Variants in CSMD1 observed in about 807,000 individuals in gnomAD.
CSMD1 encodes the protein CUB and sushi domain-containing protein 1.
In CSMD1, 213 loss-of-function variants were observed where a neutral mutation model predicts 417.5. The ratio of observed to expected loss-of-function variants is 0.51; its 90% confidence interval spans 0.46 to 0.57. The LOEUF (loss-of-function observed/expected upper bound fraction) is 0.57. Ranked by LOEUF, CSMD1 falls within the 20% of genes least tolerant of loss-of-function variation. CSMD1 has a pLI of 0.00. For missense variants in CSMD1, 6,923 were observed against 4,529.7 expected (o/e 1.53, Z -15.17); for synonymous variants, 2,862 against 1,736.8 (o/e 1.65, Z -16.11).
At chr8:4,712,205 G>C (rs934096439) in intron 1 of CSMD1, among the ~76,000 whole-genome samples, 1 of 152,168 alleles carries the variant, frequency 6.6e-6, no homozygotes, top group Non-Finnish European at 1.5e-5. Flanking sequence ...GAATCCATTA[G>C]CTCTTGACCT....
At chr8:3,242,938 G>A (rs889259159) in intron 26 of CSMD1, among the ~76,000 whole-genome samples, 5 of 152,094 alleles carry the variant, frequency 3.3e-5, no homozygotes, top group Admixed American at 2.6e-4. Flanking sequence ...CCTCTGAAAC[G>A]TGGGTGAACA....
chr8:3,967,316 G>A (rs1423575899), intron 5 of CSMD1, among the ~76,000 whole-genome samples: 2 of 152,016 alleles, frequency 1.3e-5, no homozygotes, highest in Non-Finnish European at 2.9e-5. Context: ...ACACCTGAAT[G>A]GAAATGATGG....
intron 3 of CSMD1, among the ~76,000 whole-genome samples, chr8:4,047,434 T>A (rs1798204645): frequency 6.6e-6 from 1 of 152,168 alleles, no homozygotes. Context: ...TAAAATGGCA[T>A]TTTTCCCAGG....
intron 41 of CSMD1, among the ~76,000 whole-genome samples, chr8:3,136,900 T>A (rs546051992): frequency 3.1e-4 from 46 of 149,030 alleles, no homozygotes; most frequent in South Asian, 1.7e-3. Flanking sequence ...TAAATTTTTT[T>A]AAAAATTTTT....
At chr8:4,485,987 T>C (rs1363570305) in intron 2 of CSMD1, among the ~76,000 whole-genome samples, 1 of 151,886 alleles carries the variant, frequency 6.6e-6, no homozygotes, top group Non-Finnish European at 1.5e-5. Flanking sequence ...AAGATCTGCT[T>C]GTGAATCCCT....
In CSMD1 at chr8:3,106,470, C is replaced by A. The variant is rs922111508; in HGVS notation, c.6949+58G>T. The A allele has an allele frequency of 2.9e-6, 3 of 1,051,308 alleles. No individual in the cohort carries two copies. The African/African-American group carries it at 4.7e-5, about 16-fold the overall frequency. The allele number at this position is 1,051,308 out of a possible 1,614,324, so 65.1% of individuals were successfully genotyped here. The stretch of plus-strand genomic sequence containing the variant: ...ACAAAGAAATGCAGACCAATACAAA[C>A]AATACAATTTTCCATGTTGAATAAG... On this transcript the variant is annotated intron_variant, in intron 46 of 69. Transcript: ENST00000635120.
intron 10 of CSMD1, among the ~76,000 whole-genome samples, chr8:3,537,304 G>A (rs918863182): frequency 7.9e-5 from 12 of 152,260 alleles, no homozygotes; most frequent in East Asian, 1.9e-4. Flanking sequence ...TGCCCGGCCC[G>A]CAAACTCTTG....
intron 5 of CSMD1, among the ~76,000 whole-genome samples, chr8:3,900,720 G>C (rs977923081): frequency 1.3e-5 from 2 of 151,982 alleles, no homozygotes; most frequent in Non-Finnish European, 1.5e-5. Flanking sequence ...CTGTGTAGCT[G>C]GGTGACACTA....
In CSMD1 at chr8:2,974,467, T is replaced by C; in HGVS notation, c.8724A>G (p.Ala2908=). ...GCCCCTCACCTGTGCAGTGGGGCAG[T>C]GCCCCGCTCCAGTGACTGTCTTCCT... The part of the protein sequence containing the change: ...VCQEDSHWSG[A]LPHCTGNNPG... The change falls in exon 56 of 70, where the codon GCA becomes GCG. Residue 2908 remains alanine, a synonymous_variant. Coordinates refer to ENST00000635120, the MANE Select transcript of CSMD1 (RefSeq NM_033225.6). 6.2e-7 allele frequency: 1 copy of C among 1,608,704 alleles called. No homozygotes were observed. The highest frequency in any genetic ancestry group is 1.3e-5 in the African/African-American group (1 of 74,972).
intron 5 of CSMD1, among the ~76,000 whole-genome samples, chr8:3,923,534 C>A (rs543152014): frequency 2.3e-4 from 35 of 152,176 alleles, no homozygotes; most frequent in African/African-American, 8.4e-4. Flanking sequence ...TTGCGCATTT[C>A]CCACACAGAA....
At chr8:3,407,723 A>G (rs1812442552) in intron 14 of CSMD1, among the ~76,000 whole-genome samples, 176 bp downstream of exon 14, 1 of 152,196 alleles carries the variant, frequency 6.6e-6, no homozygotes, top group African/African-American at 2.4e-5. Context: ...ATACAGTGAT[A>G]CATTTGTTTT....
chr8:3,175,229 T>C (rs17079544), intron 37 of CSMD1, among the ~76,000 whole-genome samples: 1 of 152,220 alleles, frequency 6.6e-6, no homozygotes, highest in African/African-American at 2.4e-5. Flanking sequence ...GTCTCCATTT[T>C]ACTCCCACCT....
chr8:3,285,933 T>G (rs1017715197), intron 25 of CSMD1, among the ~76,000 whole-genome samples: 1 of 152,090 alleles, frequency 6.6e-6, no homozygotes, highest in Non-Finnish European at 1.5e-5. Context: ...GCTGCACCCA[T>G]TAACTCACCA....
intron 1 of CSMD1, among the ~76,000 whole-genome samples, chr8:4,921,013 AAAGAAAGAAAGG>A (rs1454171090): frequency 7.7e-4 from 6 of 7,802 alleles, no homozygotes; most frequent in African/African-American, 1.7e-3. Context: ...GAAAGAAAGA[AAAGAAAGAAAGG>A]AAGAAAGAAA....
rs1474115460 is a variant in CSMD1, at chr8:4,358,961, C to A, written c.415+60992G>T. ...ACATTCAGTACTACACTTCCAGAGT[C>A]TTGTGCACACACACACACACACATT... On this transcript the variant is annotated intron_variant, in intron 3 of 69. Transcript: ENST00000635120. 7.4e-5 allele frequency among the ~76,000 whole-genome samples: 7 copies of A among 94,438 alleles called. No homozygotes were observed. The South Asian group carries it at 2.0e-3, about 27-fold the overall frequency. The allele number at this position is 94,438 out of a possible 152,430, so 62.0% of individuals were successfully genotyped here.
intron 1 of CSMD1, among the ~76,000 whole-genome samples, chr8:4,874,850 A>G (rs927558560): frequency 2.7e-5 from 4 of 148,992 alleles, no homozygotes; most frequent in African/African-American, 9.8e-5. Context: ...TATATATATA[A>G]TATTAAATAT....
chr8:3,586,217 G>C lies in CSMD1; in HGVS notation c.1141C>G (p.Leu381Val), dbSNP rs759635914. The change falls in exon 9 of 70, where the codon CTC becomes GTC. Residue 381 changes from leucine to valine, a missense_variant. Coordinates refer to ENST00000635120, the MANE Select transcript of CSMD1 (RefSeq NM_033225.6). ...VQFSCEDNYVLQGSKSITCQR... is the reference protein window; with the variant it reads ...VQFSCEDNYVVQGSKSITCQR... ...CAGGTGATGCTTTTAGATCCCTGGA[G>C]CACGTAATTGTCCTCACATGAAAAC... 6.2e-7 allele frequency: 1 copy of C among 1,611,364 alleles called. No homozygotes were observed. The highest frequency in any genetic ancestry group is 8.5e-7 in the Non-Finnish European group (1 of 1,179,242).
intron 3 of CSMD1, among the ~76,000 whole-genome samples, chr8:4,410,582 C>A (rs565001873): frequency 6.6e-6 from 1 of 152,008 alleles, no homozygotes; most frequent in Non-Finnish European, 1.5e-5. Context: ...TAAATAATGA[C>A]CAATTTTTGT....
In CSMD1 at chr8:3,292,206, T is replaced by G. The variant is rs543177632; in HGVS notation, c.3951-7860A>C. ...GGTCTGAGAGACAGTTTGTTGTAAT[T>G]TCTGTTCCTTTACATTTGCTGAGGA... On this transcript the variant is annotated intron_variant, in intron 25 of 69. Transcript: ENST00000635120. Among the ~76,000 whole-genome samples, 12 of 152,334 alleles carry G rather than the reference T, an allele frequency of 7.9e-5. No individual in the cohort carries two copies. The South Asian group carries it at 2.3e-3, about 29-fold the overall frequency.
Sources: gnomAD v4.1 joint callset for allele counts (sites outside exome capture counted in the v4.1 genomes callset) on GRCh38, gnomAD v4.1.1 for gene constraint, MANE v1.5 for transcripts, NCBI Gene and HGNC (gene_info 2026-07-23, HGNC 2026-07-21) for gene names.